CPXM2: variants seen among roughly 807,000 people sequenced by gnomAD.
The protein encoded by CPXM2 is carboxypeptidase X, M14 family member 2.
A neutral mutation model predicts 86.1 loss-of-function variants in CPXM2; 66 were observed. That is an observed-to-expected ratio of 0.77 (90% CI 0.63 to 0.94). The LOEUF (loss-of-function observed/expected upper bound fraction) is 0.94. Ranked by LOEUF, CPXM2 falls within the 40% of genes least tolerant of loss-of-function variation. The probability of loss-of-function intolerance (pLI) is 0.00; values close to 1 mark genes in which losing one functional copy is unlikely to be tolerated. For missense variants in CPXM2, 948 were observed against 1,026.3 expected, an observed-to-expected ratio of 0.92 and a Z score of 1.04; for synonymous variants, 388 against 400.2, an observed-to-expected ratio of 0.97 and a Z score of 0.36.
chr10:123,769,864 G>C (rs762036674), intron 8 of CPXM2, among the ~76,000 whole-genome samples: 1 of 152,158 alleles, frequency 6.6e-6, no homozygotes, highest in Non-Finnish European at 1.5e-5. Context: ...AAAGGACAAG[G>C]GCCTGGCATT....
intron 4 of CPXM2, among the ~76,000 whole-genome samples, chr10:123,830,595 C>G (rs1848143240): frequency 6.6e-6 from 1 of 152,152 alleles, no homozygotes; most frequent in Admixed American, 6.5e-5. Context: ...TAGGCCAGTT[C>G]TCTGCTGGAA....
chr10:123,824,005 G>A (rs1222691642), intron 4 of CPXM2, among the ~76,000 whole-genome samples: 4 of 152,126 alleles, frequency 2.6e-5, no homozygotes, highest in Non-Finnish European at 5.9e-5. Flanking sequence ...CCCTTGGCAC[G>A]TTTTCAGCTT....
At position 123,771,846 on chromosome 10, in the gene CPXM2, G is replaced by A. The variant is rs554380508; in HGVS notation, c.979-807C>T. On this transcript the variant is annotated intron_variant, in intron 7 of 13. Coordinates refer to ENST00000241305, the MANE Select transcript of CPXM2 (RefSeq NM_198148.3). ...ATTAAGGGGCTTCCCCCTTCACTCA[G>A]CACTCATTCTGTCTCCTGATGCCCT... Among the ~76,000 whole-genome samples the A allele has an allele frequency of 2.0e-5, 3 of 152,298 alleles. No homozygotes were observed. In the East Asian group the frequency reaches 5.8e-4, roughly 29 times the overall value.
In CPXM2 at chr10:123,762,155, G is replaced by T. The variant is rs1328562637; in HGVS notation, c.1494C>A (p.Thr498=). The stretch of plus-strand genomic sequence containing the variant: ...TTTCCATCCAGGCTATGACTGCTCT[G>T]GTCTCGGCAGCCACCTGTGAACATC... ...LSENATVAAE[T]RAVIAWMEKI... is the part of the protein sequence containing the mutation. The change falls in exon 11 of 14, where the codon ACC becomes ACA. Residue 498 remains threonine (T), a synonymous_variant. Transcript: ENST00000241305. The T allele has an allele frequency of 3.7e-6, 6 of 1,613,996 alleles. No homozygotes were observed. The highest frequency in any genetic ancestry group is 5.1e-6 in the Non-Finnish European group (6 of 1,180,030).
intron 4 of CPXM2, among the ~76,000 whole-genome samples, chr10:123,833,066 C>T (rs1848200174): frequency 6.6e-6 from 1 of 152,166 alleles, no homozygotes; most frequent in Non-Finnish European, 1.5e-5. Context: ...CTTGGACTTC[C>T]TAAACGGTGA....
At chr10:123,749,272 A>C (rs1846025868) in intron 13 of CPXM2, among the ~76,000 whole-genome samples, 2 of 152,096 alleles carry the variant, frequency 1.3e-5, no homozygotes. Flanking sequence ...AAGTTGGTTT[A>C]AATACCTCAG....
At chr10:123,849,987 G>T (rs1848568768) in intron 3 of CPXM2, among the ~76,000 whole-genome samples, 2 of 152,048 alleles carry the variant, frequency 1.3e-5, no homozygotes, top group Non-Finnish European at 2.9e-5. Context: ...ATCTCCTCAG[G>T]TTGGTTTTCT....
chr10:123,778,447 G>A lies in CPXM2; in HGVS notation c.978+1720C>T, dbSNP rs1199593766. Among the ~76,000 whole-genome samples, 5 of 152,150 alleles carry A rather than the reference G, an allele frequency of 3.3e-5. No individual in the cohort carries two copies. In the East Asian group the frequency reaches 9.6e-4, roughly 29 times the overall value. ...CTCTAGTTGATAACTGCTGAGCTGTGGGATCGCACAGGGGTCTCCCAGTGT... is the reference window on the plus strand; with the variant it reads ...CTCTAGTTGATAACTGCTGAGCTGTAGGATCGCACAGGGGTCTCCCAGTGT... On this transcript the variant is annotated intron_variant, in intron 7 of 13. Coordinates refer to ENST00000241305, the MANE Select transcript of CPXM2 (RefSeq NM_198148.3).
chr10:123,918,290 A>G (rs138593514), intron 2 of CPXM2, among the ~76,000 whole-genome samples: 12 of 152,350 alleles, frequency 7.9e-5, no homozygotes, highest in Admixed American at 3.9e-4. Context: ...TTGCTGAAAT[A>G]TTATGCAGCC....
Position 123,768,606 on chromosome 10 carries a change from T to G in CPXM2, c.1219A>C (p.Ile407Leu), listed in dbSNP as rs1846550726. The stretch of plus-strand genomic sequence containing the variant: ...CGCGTCTCCTCCACCAGGTGGACGA[T>G]GCGCGCATTCCGGGCCAAGTACTCC... ...CQEYLARNAR[I>L]VHLVEETRIH... The change falls in exon 9 of 14, where the codon ATC becomes CTC. Residue 407 changes from isoleucine to leucine, a missense_variant. Ile to Leu is a conservative substitution (Grantham distance 5, BLOSUM62 2). Transcript: ENST00000241305. 6.2e-7 allele frequency: 1 copy of G among 1,614,042 alleles called. No homozygotes were observed. Among genetic ancestry groups the G allele is most frequent in the South Asian group, 1.1e-5 (1 of 91,082 alleles).
upstream of CPXM2, among the ~76,000 whole-genome samples, chr10:123,894,668 G>A (rs34310065): frequency 0.28 from 42,899 of 152,030 alleles, 6,516 homozygotes; most frequent in Non-Finnish European, 0.35. Flanking sequence ...CTGCCTGGGA[G>A]GGTCCTGCGT....
chr10:123,821,023 C>T (rs1400027548), intron 4 of CPXM2, among the ~76,000 whole-genome samples: 1 of 152,204 alleles, frequency 6.6e-6, no homozygotes, highest in South Asian at 2.1e-4. Flanking sequence ...CACTCTGATT[C>T]TGGCTCTACT....
At chr10:123,943,877 A>G (rs1945799918), upstream of CPXM2, among the ~76,000 whole-genome samples, 1 of 152,146 alleles carries the variant, frequency 6.6e-6, no homozygotes, top group Non-Finnish European at 1.5e-5. Flanking sequence ...ATGGAATAGA[A>G]GGGGGATCTG....
chr10:123,862,252 C>A (rs1195556551), intron 3 of CPXM2, among the ~76,000 whole-genome samples: 2 of 152,230 alleles, frequency 1.3e-5, no homozygotes, highest in African/African-American at 4.8e-5. Flanking sequence ...CAAGGGAAGA[C>A]AAATGCCACT....
chr10:123,768,104 G>A (rs576943176), intron 9 of CPXM2, among the ~76,000 whole-genome samples: 2 of 152,134 alleles, frequency 1.3e-5, no homozygotes, highest in Non-Finnish European at 2.9e-5. Flanking sequence ...TAAAACTCGT[G>A]TGGCCAGGCA....
chr10:123,770,961 G>C lies in CPXM2; in HGVS notation c.1057C>G (p.Leu353Val), dbSNP rs1846615240. Residue 353 changes from leucine (L) to valine (V), a missense_variant, in exon 8 of 14, where the codon CTG becomes GTG. Leu to Val is a conservative substitution (Grantham distance 32). Transcript: ENST00000241305. ...TGATCTGAGATCTCCACAGCATACAGCTTCAGGCCCTGGTGGCTTTTTCCA... is the reference window on the plus strand; with the variant it reads ...TGATCTGAGATCTCCACAGCATACACCTTCAGGCCCTGGTGGCTTTTTCCA... ...NIGKSHQGLK[L>V]YAVEISDHPG... is the part of the protein sequence containing the mutation. 1 of 1,614,124 alleles carries C rather than the reference G, an allele frequency of 6.2e-7. No homozygotes were observed. The highest frequency in any genetic ancestry group is 8.5e-7 in the Non-Finnish European group (1 of 1,179,974).
Position 123,754,783 on chromosome 10 carries a change from A to T in CPXM2, c.1918-21T>A. 7.0e-7 allele frequency: 1 copy of T among 1,434,210 alleles called. No homozygotes were observed. The highest frequency in any genetic ancestry group is 9.8e-7 in the Non-Finnish European group (1 of 1,015,680). 88.8% of individuals were successfully genotyped at this position (1,434,210 alleles called of 1,614,324 possible). A position where few individuals can be genotyped will look rare whatever the true frequency, so the allele number is the denominator to read the frequency against. ...TGAACCTGCTCAGCAAACATGAGAC[A>T]CAGGGTGAGGTCACCGACCAGCTCT... On this transcript the variant is annotated intron_variant, in intron 12 of 13. Transcript: ENST00000241305. This position sits in a 1 kb window ranked among gnomAD's most constrained non-coding sequence, Gnocchi z 4.0.
At chr10:123,905,108 G>C (rs1277319586) in intron 2 of CPXM2, among the ~76,000 whole-genome samples, 1 of 152,236 alleles carries the variant, frequency 6.6e-6, no homozygotes, top group East Asian at 1.9e-4. Context: ...CCCTGAGTGA[G>C]GCTATTTCTG....
chr10:123,754,369 C>T lies in CPXM2; in HGVS notation c.2017+294G>A, dbSNP rs187724791. Among the ~76,000 whole-genome samples, 3 of 152,346 alleles carry T rather than the reference C, an allele frequency of 2.0e-5. No homozygotes were observed. The East Asian group carries it at 5.8e-4, about 29-fold the overall frequency. On this transcript the variant is annotated intron_variant, in intron 13 of 13. Transcript: ENST00000241305. This position sits in a 1 kb window ranked among gnomAD's most constrained non-coding sequence, Gnocchi z 4.0. Reference sequence around the variant, plus strand: ...GCTAAGCTGCCTGCAGATGCAACAACTCCATGGAGACAGAGCTGCTTCCTC... The same window carrying T: ...GCTAAGCTGCCTGCAGATGCAACAATTCCATGGAGACAGAGCTGCTTCCTC...
Sources: allele counts gnomAD v4.1 joint callset (sites outside exome capture counted in the v4.1 genomes callset), GRCh38; gene constraint gnomAD v4.1.1; non-coding constraint Gnocchi (gnomAD v3.1); transcripts MANE v1.5; gene names NCBI Gene and HGNC (gene_info 2026-07-23, HGNC 2026-07-21).